Variants in EXOC4 observed in about 807,000 individuals in gnomAD.
EXOC4 encodes the protein exocyst complex component 4, also known as SEC8-like 1.
A neutral mutation model predicts 107.2 loss-of-function variants in EXOC4; 71 were observed. The ratio of observed to expected loss-of-function variants is 0.66; its 90% confidence interval spans 0.55 to 0.81. EXOC4 has a LOEUF of 0.81. Ranked by LOEUF, EXOC4 falls within the 30% of genes least tolerant of loss-of-function variation. The pLI is 0.00. For synonymous variants in EXOC4, 456 were observed against 441.2 expected (o/e 1.03, Z -0.42); for missense variants, 1,108 against 1,189.6 (o/e 0.93, Z 1.01).
chr7:133,472,760 AGT>A (rs1329101676), intron 7 of EXOC4, among the ~76,000 whole-genome samples: 2 of 152,140 alleles, frequency 1.3e-5, no homozygotes. Flanking sequence ...AAGTAGGAAA[AGT>A]GTGTGTTTGC....
chr7:133,758,819 C>A (rs934335424), intron 10 of EXOC4, among the ~76,000 whole-genome samples: 1 of 152,120 alleles, frequency 6.6e-6, no homozygotes, highest in Non-Finnish European at 1.5e-5. Context: ...AGATATAGCT[C>A]TTCCCCCTGC....
At chr7:133,958,629 A>C (rs143689368) in intron 14 of EXOC4, among the ~76,000 whole-genome samples, 1 of 152,222 alleles carries the variant, frequency 6.6e-6, no homozygotes, top group Non-Finnish European at 1.5e-5. Context: ...TTTTTAACCC[A>C]AAAGTTAGAG....
intron 14 of EXOC4, among the ~76,000 whole-genome samples, chr7:133,946,518 T>C (rs539810896): frequency 6.1e-4 from 93 of 152,344 alleles, no homozygotes; most frequent in Non-Finnish European, 1.2e-3. Flanking sequence ...GATAATTGTA[T>C]GATGATCCAG....
intron 17 of EXOC4, among the ~76,000 whole-genome samples, chr7:134,054,610 C>A (rs955696299): frequency 2.0e-5 from 3 of 152,196 alleles, no homozygotes; most frequent in Non-Finnish European, 4.4e-5. Context: ...CCTTAGAATT[C>A]ACTAGATGCT....
intron 7 of EXOC4, among the ~76,000 whole-genome samples, chr7:133,418,741 G>A (rs1466452541): frequency 6.6e-6 from 1 of 152,076 alleles, no homozygotes; most frequent in Admixed American, 6.6e-5. Context: ...TTACTTTTAG[G>A]GTTATTGTGA....
chr7:133,650,279 T>C (rs1316287445), intron 10 of EXOC4, among the ~76,000 whole-genome samples: 1 of 152,044 alleles, frequency 6.6e-6, no homozygotes, highest in Non-Finnish European at 1.5e-5. Context: ...CTTGAGAACA[T>C]TGGCTCTGGA....
rs955978306 is a variant in EXOC4, at chr7:133,812,149, G to GA, written c.1515-5166dup. Among the ~76,000 whole-genome samples the GA allele has an allele frequency of 6.4e-3, 948 of 148,366 alleles. 7 individuals carry two copies. Among genetic ancestry groups the GA allele is most frequent in the African/African-American group, 0.022 (878 of 40,488 alleles). ...AAAATAAGGGAGCAAAGTGAAAAGT[G>GA]AAAAAAAAAATCATACAATATTTCA... On this transcript the variant is annotated intron_variant, in intron 10 of 17. Coordinates refer to ENST00000253861, the MANE Select transcript of EXOC4 (RefSeq NM_021807.4).
At chr7:133,254,036 T>C (rs1036939604) in intron 1 of EXOC4, 1 of 148,088 alleles carries the variant, frequency 6.8e-6, no homozygotes, top group Admixed American at 6.6e-5. Flanking sequence ...AACTCGTTTA[T>C]TTTTCATAAA....
chr7:133,604,892 A>AT (rs995006087), intron 9 of EXOC4, among the ~76,000 whole-genome samples: 4 of 150,806 alleles, frequency 2.7e-5, no homozygotes, highest in African/African-American at 7.3e-5. Flanking sequence ...CCCAGCTAAT[A>AT]TTTTTTATTT....
chr7:134,075,408 G>T, the EXOC4 span, among the ~76,000 whole-genome samples: 6 of 152,160 alleles, frequency 3.9e-5, no homozygotes, highest in African/African-American at 1.2e-4. Flanking sequence ...AGGAAAAAGG[G>T]GTTTAATGGA....
chr7:134,056,714 T>C (rs1413848370), intron 17 of EXOC4, among the ~76,000 whole-genome samples: 2 of 152,202 alleles, frequency 1.3e-5, no homozygotes, highest in African/African-American at 4.8e-5. Context: ...GACATATGAA[T>C]CCTTAAGTTG....
chr7:133,461,621 G>T (rs1038513149), intron 7 of EXOC4, among the ~76,000 whole-genome samples: 9 of 152,114 alleles, frequency 5.9e-5, no homozygotes, highest in African/African-American at 9.7e-5. Context: ...ACTCTTTCAG[G>T]TCGTTAGGGT....
chr7:133,734,937 A>G (rs564372986), intron 10 of EXOC4, among the ~76,000 whole-genome samples: 2 of 151,596 alleles, frequency 1.3e-5, no homozygotes, highest in Admixed American at 6.6e-5. Flanking sequence ...AAGGCCAGGC[A>G]CGGTGGCTCA....
At chr7:134,077,130 C>T in the EXOC4 span, among the ~76,000 whole-genome samples, 1 of 151,996 alleles carries the variant, frequency 6.6e-6, no homozygotes, top group South Asian at 2.1e-4. Flanking sequence ...GGTCTGGAGG[C>T]CTGAAAACGA....
chr7:133,560,796 T>A (rs994442971), intron 9 of EXOC4, among the ~76,000 whole-genome samples: 2 of 152,240 alleles, frequency 1.3e-5, no homozygotes, highest in Non-Finnish European at 2.9e-5. Flanking sequence ...CATTTAAGGA[T>A]AACTGTATAT....
chr7:133,749,409 T>C (rs1795743629), intron 10 of EXOC4, among the ~76,000 whole-genome samples: 1 of 152,182 alleles, frequency 6.6e-6, no homozygotes, highest in South Asian at 2.1e-4. Flanking sequence ...GTCTTTTTTT[T>C]TGAGCCAGAG....
At chr7:133,788,500 T>TC (rs1202078759) in intron 10 of EXOC4, among the ~76,000 whole-genome samples, 2 of 151,112 alleles carry the variant, frequency 1.3e-5, no homozygotes, top group Non-Finnish European at 3.0e-5. Flanking sequence ...AACTTCTCTC[T>TC]TTTTTTTTGA....
At chr7:133,641,445 T>C (rs202232511) in intron 10 of EXOC4, among the ~76,000 whole-genome samples, 1 of 149,998 alleles carries the variant, frequency 6.7e-6, no homozygotes, top group Non-Finnish European at 1.5e-5. Flanking sequence ...TATATATAGA[T>C]ACACACACAT....
intron 3 of EXOC4, among the ~76,000 whole-genome samples, chr7:133,302,839 A>T (rs752024694): frequency 2.6e-5 from 4 of 152,022 alleles, no homozygotes; most frequent in Admixed American, 6.6e-5. Flanking sequence ...TTAATCTTTC[A>T]TCAGTGTGTT....
Sources: gnomAD v4.1 joint callset for allele counts (sites outside exome capture counted in the v4.1 genomes callset) on GRCh38, gnomAD v4.1.1 for gene constraint, MANE v1.5 for transcripts, NCBI Gene and HGNC (gene_info 2026-07-23, HGNC 2026-07-21) for gene names.